The following DAB1 variants were observed in gnomAD, a reference collection of about 807,000 sequenced individuals.
DAB1 encodes the protein disabled homolog 1.
In DAB1, 15 loss-of-function variants were observed where a neutral mutation model predicts 64.6. The observed-to-expected ratio is 0.23, with a 90% CI of 0.16 to 0.36. The LOEUF (loss-of-function observed/expected upper bound fraction) is 0.36, where lower values mean the gene tolerates loss of function less well. Among genes scored for constraint, DAB1 ranks in the 10% least tolerant of loss-of-function variants. The pLI, the probability that DAB1 is intolerant of heterozygous loss-of-function variation, is 1.00. For missense variants in DAB1, 596 were observed against 706.7 expected (o/e 0.84, Z 1.78); for synonymous variants, 235 against 251.9 (o/e 0.93, Z 0.64).
intron 2 of DAB1, among the ~76,000 whole-genome samples, chr1:57,241,308 T>C (rs1431661250): frequency 6.6e-6 from 1 of 152,176 alleles, no homozygotes; most frequent in Admixed American, 6.5e-5. Flanking sequence ...AGAACAGAGA[T>C]AAAACTGAGA....
chr1:57,687,441 T>G (rs1646711321), intron 6 of DAB1, among the ~76,000 whole-genome samples: 1 of 152,032 alleles, frequency 6.6e-6, no homozygotes, highest in African/African-American at 2.4e-5. Flanking sequence ...GAAGAATTAA[T>G]ATCATTAAAA....
intron 3 of DAB1, among the ~76,000 whole-genome samples, chr1:58,395,032 C>T (rs1644507727): frequency 6.6e-6 from 1 of 151,994 alleles, no homozygotes; most frequent in African/African-American, 2.4e-5. Flanking sequence ...TGGAAAGCCT[C>T]CGACAGTCTA....
intron 4 of DAB1, among the ~76,000 whole-genome samples, chr1:57,092,177 C>T (rs565253206): frequency 3.3e-5 from 5 of 152,310 alleles, no homozygotes; most frequent in South Asian, 4.1e-4. Flanking sequence ...ATTGTATATA[C>T]GTATTTGCTC....
chr1:57,825,524 T>A (rs1354305854), downstream of DAB1, among the ~76,000 whole-genome samples: 1 of 152,192 alleles, frequency 6.6e-6, no homozygotes, highest in Non-Finnish European at 1.5e-5. Context: ...TGAAGGATCA[T>A]CACAGGTGTT....
intron 6 of DAB1, among the ~76,000 whole-genome samples, chr1:57,734,711 C>T (rs185620818): frequency 1.2e-4 from 18 of 152,224 alleles, no homozygotes; most frequent in Non-Finnish European, 2.1e-4. Context: ...CCCCAGGGGA[C>T]GGGATATACT....
intron 6 of DAB1, among the ~76,000 whole-genome samples, chr1:57,784,978 G>A (rs569590249): frequency 2.6e-5 from 4 of 152,226 alleles, no homozygotes; most frequent in Non-Finnish European, 5.9e-5. Flanking sequence ...CCAAAAAACA[G>A]CTTACTCTTT....
chr1:57,730,749 T>C (rs1461975426), intron 6 of DAB1, among the ~76,000 whole-genome samples: 1 of 152,214 alleles, frequency 6.6e-6, no homozygotes, highest in Non-Finnish European at 1.5e-5. Flanking sequence ...GGTAGACAGA[T>C]AGATGAATAA....
chr1:58,110,662 C>T (rs1055010775), intron 5 of DAB1, among the ~76,000 whole-genome samples: 3 of 152,154 alleles, frequency 2.0e-5, no homozygotes, highest in Admixed American at 6.5e-5. Flanking sequence ...TGTCCTGCAG[C>T]CAGAAAGCAG....
At chr1:57,321,336 T>G (rs1675698265) in intron 1 of DAB1, among the ~76,000 whole-genome samples, 1 of 152,180 alleles carries the variant, frequency 6.6e-6, no homozygotes, top group South Asian at 2.1e-4. Context: ...CATGGCTTTT[T>G]CCAGCACCAC....
At chr1:58,462,113 CTTTTTTTTTTTTTT>C (rs1168740907) in intron 3 of DAB1, among the ~76,000 whole-genome samples, 5 of 54,264 alleles carry the variant, frequency 9.2e-5, no homozygotes, top group Non-Finnish European at 1.4e-4. Context: ...GAGAAGGTTT[CTTTTTTTTTTTTTT>C]TTTTTTTTTT....
At position 57,255,098 on chromosome 1, in the gene DAB1, A is replaced by G. The variant is rs763447203; in HGVS notation, c.67+35866T>C. Among the ~76,000 whole-genome samples, 42 of 152,214 alleles carry G rather than the reference A, an allele frequency of 2.8e-4. 2 individuals are homozygous for G. Among genetic ancestry groups the G allele is most frequent in the Non-Finnish European group, 5.9e-5 (4 of 68,042 alleles). On this transcript the variant is annotated intron_variant, in intron 2 of 14. Transcript: ENST00000371236. ...AACATCTCATGAATGGATAAATGAA[A>G]TAACTAGAATGAACAAAGGAATGAA...
At chr1:58,314,721 T>C (rs1662513793) in intron 4 of DAB1, among the ~76,000 whole-genome samples, 1 of 152,208 alleles carries the variant, frequency 6.6e-6, no homozygotes, top group Non-Finnish European at 1.5e-5. Flanking sequence ...TTTATATAGA[T>C]TATCTCACCA....
intron 4 of DAB1, among the ~76,000 whole-genome samples, chr1:57,075,440 G>T (rs1186781055): frequency 6.6e-6 from 1 of 152,180 alleles, no homozygotes; most frequent in Non-Finnish European, 1.5e-5. Context: ...AAAAAGGATT[G>T]CTCTGAACGT....
At chr1:57,637,448 T>A (rs766998580) in intron 7 of DAB1, among the ~76,000 whole-genome samples, 1 of 152,062 alleles carries the variant, frequency 6.6e-6, no homozygotes, top group Non-Finnish European at 1.5e-5. Flanking sequence ...CTGATCTGGG[T>A]TTGAGCAGAG....
At chr1:57,724,312 GAGGGAGGA>G (rs1331709640) in intron 6 of DAB1, among the ~76,000 whole-genome samples, 76 of 134,782 alleles carry the variant, frequency 5.6e-4, no homozygotes, top group African/African-American at 2.1e-3. Context: ...GGGAGGGAGG[GAGGGAGGA>G]AGGAAGGAAG....
intron 1 of DAB1, among the ~76,000 whole-genome samples, chr1:57,311,900 GTCTTCTACTTAATCCCTGGCGCTAAA>G (rs1674743760): frequency 6.6e-6 from 1 of 152,220 alleles, no homozygotes; most frequent in Non-Finnish European, 1.5e-5. Context: ...GGTGAAGTCA[GTCTTCTACTTAATCCCTGGCGCTAAA>G]CGTTATGGTT....
intron 5 of DAB1, among the ~76,000 whole-genome samples, chr1:57,932,843 GGTTTCTT>G (rs1297715719): frequency 6.6e-6 from 1 of 152,036 alleles, no homozygotes. Flanking sequence ...ATGTAAAATG[GGTTTCTT>G]GTAGACAAAA....
intron 9 of DAB1, among the ~76,000 whole-genome samples, chr1:57,026,563 G>A (rs926308238): frequency 6.6e-6 from 1 of 152,140 alleles, no homozygotes; most frequent in African/African-American, 2.4e-5. Flanking sequence ...CAGGGATGTG[G>A]CATCAAGGTC....
At chr1:57,694,913 T>G (rs1646805679) in intron 6 of DAB1, among the ~76,000 whole-genome samples, 1 of 152,112 alleles carries the variant, frequency 6.6e-6, no homozygotes. Flanking sequence ...TAAAGATATT[T>G]TTAAACTTGG....
Sources: gnomAD v4.1 joint callset for allele counts (sites outside exome capture counted in the v4.1 genomes callset) on GRCh38, gnomAD v4.1.1 for gene constraint, MANE v1.5 for transcripts, NCBI Gene and HGNC (gene_info 2026-07-23, HGNC 2026-07-21) for gene names.